ATE1: variants seen among roughly 807,000 people sequenced by gnomAD.
ATE1 encodes the protein arginyltransferase 1.
Under a neutral mutation model 70.5 loss-of-function variants are expected in ATE1, and 36 were observed. The ratio of observed to expected loss-of-function variants is 0.51; its 90% CI spans 0.39 to 0.67. ATE1 has a LOEUF of 0.67. Ranked by LOEUF, ATE1 falls within the 30% of genes least tolerant of loss-of-function variation. The pLI, the probability that ATE1 is intolerant of heterozygous loss-of-function variation, is 0.00. For synonymous variants in ATE1, 232 were observed against 219.3 expected (o/e 1.06, Z -0.51); for missense variants, 593 against 629.5 (o/e 0.94, Z 0.62).
intron 10 of ATE1, among the ~76,000 whole-genome samples, chr10:121,830,325 T>C (rs1156568211): frequency 1.3e-5 from 2 of 152,114 alleles, no homozygotes; most frequent in African/African-American, 4.8e-5. Context: ...GAGTAGGTTC[T>C]CACTCTCATG....
At chr10:121,803,463 C>A (rs1946974754) in intron 10 of ATE1, among the ~76,000 whole-genome samples, 1 of 152,158 alleles carries the variant, frequency 6.6e-6, no homozygotes, top group Non-Finnish European at 1.5e-5. Context: ...TTAAAATTCC[C>A]AACCTAAAAT....
At chr10:121,757,745 G>T (rs4258315) in intron 11 of ATE1, among the ~76,000 whole-genome samples, 125,903 of 152,122 alleles carry the variant, frequency 0.83, 52,455 homozygotes, top group Non-Finnish European at 0.89. Flanking sequence ...CACTCCCACT[G>T]GGTCCCTCCC....
chr10:121,812,556 G>T (rs1459368427), intron 10 of ATE1, among the ~76,000 whole-genome samples: 1 of 152,102 alleles, frequency 6.6e-6, no homozygotes, highest in Non-Finnish European at 1.5e-5. Context: ...CAGAAGTGCA[G>T]CTGGTTAGTT....
At chr10:121,790,840 A>G (rs1190915696) in intron 10 of ATE1, among the ~76,000 whole-genome samples, 4 of 152,092 alleles carry the variant, frequency 2.6e-5, no homozygotes, top group Admixed American at 1.3e-4. Context: ...AACGTATAAT[A>G]AAGAGAAGTT....
intron 3 of ATE1, among the ~76,000 whole-genome samples, chr10:121,922,065 C>T (rs149234850): frequency 1.1e-4 from 17 of 152,290 alleles, no homozygotes; most frequent in African/African-American, 4.1e-4. Flanking sequence ...TATTTACCAA[C>T]ATTTTCCCAA....
At chr10:121,895,440 T>G (rs1950743261) in intron 7 of ATE1, among the ~76,000 whole-genome samples, 1 of 150,914 alleles carries the variant, frequency 6.6e-6, no homozygotes, top group South Asian at 2.1e-4. Flanking sequence ...AAACCCCATC[T>G]CTACTAAAAA....
chr10:121,817,409 G>A (rs1947595361), intron 10 of ATE1, among the ~76,000 whole-genome samples: 1 of 152,068 alleles, frequency 6.6e-6, no homozygotes, highest in Non-Finnish European at 1.5e-5. Context: ...CGCAGTGGCG[G>A]GCGCCTGTAG....
chr10:121,824,345 A>G (rs998679365), intron 10 of ATE1, among the ~76,000 whole-genome samples: 2 of 152,200 alleles, frequency 1.3e-5, no homozygotes, highest in African/African-American at 4.8e-5. Context: ...CCCGGCCTGC[A>G]AGGCTATAGT....
chr10:121,896,972 T>G (rs1950806746), intron 7 of ATE1, among the ~76,000 whole-genome samples: 1 of 151,100 alleles, frequency 6.6e-6, no homozygotes, highest in African/African-American at 2.4e-5. Context: ...ATTTTGCTAG[T>G]CCTGCTGCCC....
intron 5 of ATE1, among the ~76,000 whole-genome samples, chr10:121,906,944 C>T (rs11200244): frequency 0.13 from 20,124 of 151,772 alleles, 1,528 homozygotes; most frequent in East Asian, 0.19. Context: ...GTGAGAGATA[C>T]CTTAAGTGAA....
intron 11 of ATE1, among the ~76,000 whole-genome samples, chr10:121,751,498 C>T (rs760101525): frequency 2.0e-5 from 3 of 152,228 alleles, no homozygotes; most frequent in African/African-American, 7.2e-5. Context: ...TTCTAGGTTG[C>T]AGCCTTCTTA....
At chr10:121,825,740 G>A (rs1016108855) in intron 10 of ATE1, among the ~76,000 whole-genome samples, 2 of 152,202 alleles carry the variant, frequency 1.3e-5, no homozygotes, top group Non-Finnish European at 2.9e-5. Context: ...GGCAGGATGT[G>A]AAATGGTATG....
At chr10:121,869,893 T>C (rs747207992) in intron 8 of ATE1, 113 bp downstream of exon 8, 5 of 978,572 alleles carry the variant, frequency 5.1e-6, no homozygotes, top group East Asian at 2.5e-5. Flanking sequence ...GAAGAATATA[T>C]GTGTCCCACC....
rs1415989526 is a variant in ATE1, at chr10:121,824,886, G to C, written c.1257+11832C>G. 2.0e-5 allele frequency among the ~76,000 whole-genome samples: 3 copies of C among 151,564 alleles called. No homozygotes were observed. In the East Asian group the frequency reaches 5.8e-4, roughly 29 times the overall value. On this transcript the variant is annotated intron_variant, in intron 10 of 11. Transcript: ENST00000224652. The stretch of plus-strand genomic sequence containing the variant: ...TTTTGAAATGAGAAGGGGTTAAAAA[G>C]AGAGAACTAAGCTTTGCATGCAAAT...
At chr10:121,869,954 C>T in intron 8 of ATE1, 52 bp downstream of exon 8, 2 of 1,490,592 alleles carry the variant, frequency 1.3e-6, no homozygotes, top group South Asian at 2.3e-5. Context: ...AAGATATCAA[C>T]AATGGTGTTC....
intron 7 of ATE1, among the ~76,000 whole-genome samples, chr10:121,881,057 T>C (rs1818200029): frequency 6.6e-6 from 1 of 152,236 alleles, no homozygotes; most frequent in Admixed American, 6.5e-5. Context: ...CTTTTACTTA[T>C]TATAGTAGAA....
chr10:121,771,830 G>A (rs1458282990), intron 11 of ATE1, among the ~76,000 whole-genome samples: 1 of 152,132 alleles, frequency 6.6e-6, no homozygotes, highest in African/African-American at 2.4e-5. Flanking sequence ...CAAAGAAAAT[G>A]CACGTGACAT....
intron 7 of ATE1, among the ~76,000 whole-genome samples, chr10:121,897,671 T>C (rs953717969): frequency 2.6e-5 from 4 of 151,752 alleles, no homozygotes; most frequent in Non-Finnish European, 4.4e-5. Flanking sequence ...ACTAAAAATA[T>C]AAAAATTAGA....
At position 121,887,193 on chromosome 10, in the gene ATE1, T is replaced by G. The variant is rs1950429777; in HGVS notation, c.942+12673A>C. On this transcript the variant is annotated intron_variant, in intron 7 of 11. Transcript: ENST00000224652. Reference sequence around the variant, plus strand: ...AGGGTTCTCGATCTACACCACCACCTGGTGGCGGAGTGAGACAGTGGCGCA... The same window carrying G: ...AGGGTTCTCGATCTACACCACCACCGGGTGGCGGAGTGAGACAGTGGCGCA... Among the ~76,000 whole-genome samples the G allele has an allele frequency of 2.6e-5, 4 of 152,176 alleles. No homozygotes were observed. In the South Asian group the frequency reaches 8.3e-4, roughly 31 times the overall value.
Sources: allele counts gnomAD v4.1 joint callset (sites outside exome capture counted in the v4.1 genomes callset), GRCh38; gene constraint gnomAD v4.1.1; transcripts MANE v1.5; gene names NCBI Gene and HGNC (gene_info 2026-07-23, HGNC 2026-07-21).